Variants in SUGCT observed in about 807,000 individuals in gnomAD.
SUGCT encodes the protein succinyl-CoA:glutarate CoA-transferase.
SUGCT carries 41 observed loss-of-function variants against 55.0 expected under a neutral mutation model. The ratio of observed to expected loss-of-function variants is 0.74; its 90% CI spans 0.58 to 0.97. The LOEUF (loss-of-function observed/expected upper bound fraction) is 0.97. SUGCT is among the 50% of genes least tolerant of loss of function. The pLI, the probability that SUGCT is intolerant of heterozygous loss-of-function variation, is 0.00. For synonymous variants in SUGCT, 187 were observed against 200.4 expected, an observed-to-expected ratio of 0.93 and a Z score of 0.56; for missense variants, 568 against 547.8, an observed-to-expected ratio of 1.04 and a Z score of -0.37.
At chr7:40,914,285 T>C in the SUGCT span, among the ~76,000 whole-genome samples, 20 of 151,206 alleles carry the variant, frequency 1.3e-4, no homozygotes, top group Non-Finnish European at 2.5e-4. Context: ...TTTCTTTTTT[T>C]TTTTTATTAT....
At chr7:40,675,872 T>C (rs184832899) in intron 12 of SUGCT, among the ~76,000 whole-genome samples, 217 of 152,314 alleles carry the variant, frequency 1.4e-3, no homozygotes, top group African/African-American at 4.2e-3. Context: ...GGAGTTTTGA[T>C]GTAATTCTTT....
At chr7:40,765,526 A>G (rs989386655) in intron 13 of SUGCT, among the ~76,000 whole-genome samples, 1 of 152,064 alleles carries the variant, frequency 6.6e-6, no homozygotes, top group Non-Finnish European at 1.5e-5. Flanking sequence ...AAAATAAAAA[A>G]TAACGAACTA....
intron 12 of SUGCT, among the ~76,000 whole-genome samples, chr7:40,611,421 T>C (rs987819637): frequency 1.3e-5 from 2 of 152,168 alleles, no homozygotes; most frequent in East Asian, 3.9e-4. Flanking sequence ...TGGGGCATGA[T>C]TGAAAGAGGA....
intron 12 of SUGCT, among the ~76,000 whole-genome samples, chr7:40,652,284 A>G (rs1800814863): frequency 6.6e-6 from 1 of 152,148 alleles, no homozygotes; most frequent in Non-Finnish European, 1.5e-5. Context: ...GGGCAGATTC[A>G]TTTATTCACC....
At chr7:40,363,035 A>T (rs989331950) in intron 9 of SUGCT, among the ~76,000 whole-genome samples, 1 of 152,112 alleles carries the variant, frequency 6.6e-6, no homozygotes, top group African/African-American at 2.4e-5. Context: ...CCTGGTTTAG[A>T]CTTGGGAGGG....
chr7:40,809,945 C>T (rs1025897362), intron 13 of SUGCT, among the ~76,000 whole-genome samples: 6 of 152,030 alleles, frequency 3.9e-5, no homozygotes, highest in Admixed American at 2.0e-4. Context: ...CATGTTGCTG[C>T]GAAGTACATG....
At chr7:40,387,765 C>T (rs1179384047) in intron 9 of SUGCT, 1 of 152,126 alleles carries the variant, frequency 6.6e-6, no homozygotes, top group Non-Finnish European at 1.5e-5. Context: ...CACTGCCTGG[C>T]CCTCAGTGAG....
the SUGCT span, among the ~76,000 whole-genome samples, chr7:40,895,120 T>C: frequency 6.6e-6 from 1 of 152,306 alleles, no homozygotes; most frequent in Admixed American, 6.5e-5. Context: ...TGGAATACTA[T>C]GTAGCCATAA....
At chr7:40,342,436 C>G (rs1043667056) in intron 9 of SUGCT, among the ~76,000 whole-genome samples, 1 of 152,124 alleles carries the variant, frequency 6.6e-6, no homozygotes, top group Non-Finnish European at 1.5e-5. Flanking sequence ...CCAGGCAAAG[C>G]TACACACCCC....
chr7:40,869,686 T>A, the SUGCT span, among the ~76,000 whole-genome samples: 1 of 152,048 alleles, frequency 6.6e-6, no homozygotes, highest in Non-Finnish European at 1.5e-5. Flanking sequence ...TTTTTTCTCA[T>A]CCAGGATCAA....
intron 1 of SUGCT, among the ~76,000 whole-genome samples, chr7:40,142,916 T>C (rs1788060377): frequency 6.6e-6 from 1 of 152,258 alleles, no homozygotes; most frequent in Non-Finnish European, 1.5e-5. Context: ...TTGTAATAGA[T>C]GTAGTTTATC....
intron 7 of SUGCT, among the ~76,000 whole-genome samples, chr7:40,245,451 T>TA (rs1562607693): frequency 1.7e-4 from 15 of 85,978 alleles, no homozygotes; most frequent in East Asian, 3.1e-4. Flanking sequence ...TTTTTTTTTT[T>TA]TTTTTTGAGA....
rs554104023 is a variant in SUGCT, at chr7:40,305,348, T to C, written c.721-11412T>C. ...TTCAAATTAGAGGAAAGCAGTGTTATTCATTCATTTTTGAGTTTAACTAAT... is the reference window on the plus strand; with the variant it reads ...TTCAAATTAGAGGAAAGCAGTGTTACTCATTCATTTTTGAGTTTAACTAAT... On this transcript the variant is annotated intron_variant, in intron 8 of 13. Transcript: ENST00000335693. Among the ~76,000 whole-genome samples, 34 of 152,370 alleles carry C rather than the reference T, an allele frequency of 2.2e-4. No individual in the cohort carries two copies. In the South Asian group the frequency reaches 6.8e-3, roughly 31 times the overall value.
the SUGCT span, among the ~76,000 whole-genome samples, chr7:40,919,700 C>G: frequency 0.5 from 76,355 of 151,878 alleles, 19,557 homozygotes; most frequent in South Asian, 0.63. Context: ...GTTCTAGTTT[C>G]CTCCTTCCCC....
chr7:40,593,352 A>C (rs1159274596), intron 12 of SUGCT, among the ~76,000 whole-genome samples: 2 of 152,176 alleles, frequency 1.3e-5, no homozygotes, highest in Non-Finnish European at 2.9e-5. Context: ...GGCATGGTCA[A>C]ACCGTATTAT....
At chr7:40,504,410 C>T (rs1792470079) in intron 12 of SUGCT, among the ~76,000 whole-genome samples, 1 of 152,048 alleles carries the variant, frequency 6.6e-6, no homozygotes, top group Admixed American at 6.6e-5. Context: ...TTCCAAAGTG[C>T]TGGGATTATG....
intron 6 of SUGCT, among the ~76,000 whole-genome samples, chr7:40,226,438 C>T (rs1788357297): frequency 6.6e-6 from 1 of 152,102 alleles, no homozygotes; most frequent in Non-Finnish European, 1.5e-5. Context: ...CTGACCACGT[C>T]TCATTTAGTT....
chr7:40,616,550 T>C (rs930395742), intron 12 of SUGCT, among the ~76,000 whole-genome samples: 2 of 152,256 alleles, frequency 1.3e-5, no homozygotes, highest in Non-Finnish European at 2.9e-5. Context: ...AGGATCCATA[T>C]GCTAGTAAAT....
intron 7 of SUGCT, among the ~76,000 whole-genome samples, chr7:40,239,892 C>T (rs1252249829): frequency 6.6e-6 from 1 of 152,166 alleles, no homozygotes; most frequent in South Asian, 2.1e-4. Context: ...AATTAAGTTA[C>T]ACATCAACCT....
Sources: gnomAD v4.1 joint callset for allele counts (sites outside exome capture counted in the v4.1 genomes callset) on GRCh38, gnomAD v4.1.1 for gene constraint, MANE v1.5 for transcripts, NCBI Gene and HGNC (gene_info 2026-07-23, HGNC 2026-07-21) for gene names.